Variants in CARD19 observed in about 807,000 individuals in gnomAD.
The protein encoded by CARD19 is caspase recruitment domain family member 19.
A neutral mutation model predicts 24.1 loss-of-function variants in CARD19; 25 were observed. The observed-to-expected ratio is 1.04, with a 90% CI of 0.76 to 1.45. The LOEUF is 1.45. Among genes scored for constraint, CARD19 ranks in the 40% most tolerant of loss-of-function variants. The pLI, the probability that CARD19 is intolerant of heterozygous loss-of-function variation, is 0.00. For synonymous variants in CARD19, 103 were observed against 104.9 expected (o/e 0.98, Z 0.11); for missense variants, 241 against 247.4 (o/e 0.97, Z 0.17).
At chr9:93,111,604 G>T in intron 3 of CARD19, 6 of 1,331,098 alleles carry the variant, frequency 4.5e-6, no homozygotes, top group Non-Finnish European at 5.8e-6. Flanking sequence ...TGCCACAGGG[G>T]GCTTTCAAAA....
At chr9:93,103,846 C>G (rs191476214) in intron 1 of CARD19, among the ~76,000 whole-genome samples, 1 of 152,298 alleles carries the variant, frequency 6.6e-6, no homozygotes, top group South Asian at 2.1e-4. Flanking sequence ...ACTTCAAGCC[C>G]TTTTATAATT....
chr9:93,113,165 C>A lies in CARD19; in HGVS notation c.*58C>A. ...CAACCAAAGAGTCCTCGAGCCGGCC[C>A]GCCAAGGGGACTGCTGCTTCTTTTT... On this transcript the variant is annotated 3_prime_UTR_variant, in exon 6 of 6. Transcript: ENST00000375464. 3 of 1,102,826 alleles carry A rather than the reference C, an allele frequency of 2.7e-6. No individual in the cohort carries two copies. Among genetic ancestry groups the A allele is most frequent in the Non-Finnish European group, 3.9e-6 (3 of 773,774 alleles). 68.3% of individuals were successfully genotyped at this position (1,102,826 alleles called of 1,614,324 possible). A position where few individuals can be genotyped will look rare whatever the true frequency, so the allele number is the denominator to read the frequency against.
At chr9:93,106,567 CA>C (rs1194901681) in intron 1 of CARD19, among the ~76,000 whole-genome samples, 1 of 102,526 alleles carries the variant, frequency 9.8e-6, no homozygotes. Flanking sequence ...GACTCTATCT[CA>C]AAAAAAAACA....
At chr9:93,111,709 A>G (rs1827492228) in intron 3 of CARD19, 170 bp from the exon 4 acceptor site, 1 of 1,432,606 alleles carries the variant, frequency 7.0e-7, no homozygotes, top group East Asian at 2.5e-5. Flanking sequence ...AGCAGAGGAG[A>G]AGACCCAGAC....
rs1827580685 is a variant in CARD19, at chr9:93,113,192, T to C, written c.*85T>C. On this transcript the variant is annotated 3_prime_UTR_variant, in exon 6 of 6. Transcript: ENST00000375464. ...CCAAGGGGACTGCTGCTTCTTTTTC[T>C]AAATGCATATTTTTCATTATTTATA... 1.3e-6 allele frequency: 1 copy of C among 749,388 alleles called. No individual in the cohort carries two copies. The highest frequency in any genetic ancestry group is 2.8e-5 in the East Asian group (1 of 35,522). 46.4% of individuals were successfully genotyped at this position (749,388 alleles called of 1,614,324 possible).
intron 1 of CARD19, among the ~76,000 whole-genome samples, chr9:93,102,392 G>A (rs1309108599): frequency 3.3e-5 from 5 of 152,026 alleles, no homozygotes; most frequent in Non-Finnish European, 7.4e-5. Context: ...TTCAGTTGTA[G>A]GAGTTCTTTA....
chr9:93,102,427 T>C (rs1315235034), intron 1 of CARD19, among the ~76,000 whole-genome samples: 1 of 152,272 alleles, frequency 6.6e-6, no homozygotes, highest in Non-Finnish European at 1.5e-5. Flanking sequence ...TAATCCCTTA[T>C]GAGATATATG....
At chr9:93,108,142 A>G (rs1049574378) in intron 2 of CARD19, among the ~76,000 whole-genome samples, 6 of 152,150 alleles carry the variant, frequency 3.9e-5, no homozygotes, top group African/African-American at 9.7e-5. Flanking sequence ...ACACAACAGT[A>G]TAAGATACGG....
rs995022723 is a variant in CARD19 at position 93,112,268 on chromosome 9, C to T, written c.415C>T (p.Leu139Phe). 5 of 1,544,572 alleles carry T rather than the reference C, an allele frequency of 3.2e-6. No individual in the cohort carries two copies. The highest frequency in any genetic ancestry group is 3.9e-5 in the Admixed American group (2 of 50,998). Reference protein sequence around the residue: ...GLGLAVGLALLLYCYPPDPKG... With the variant: ...GLGLAVGLALFLYCYPPDPKG... ...GGGCCTTGCTGTGGGACTGGCCCTG[C>T]TCCTGTACTGCTATCCGCCAGGTGG... Residue 139 changes from leucine to phenylalanine, a missense_variant, in exon 5 of 6, where the codon CTC (leucine) becomes TTC (phenylalanine). Physicochemically the swap from Leu to Phe is conservative, Grantham distance 22 (BLOSUM62 0). Transcript: ENST00000375464.
intron 4 of CARD19, 133 bp downstream of exon 4, chr9:93,112,071 ACAGAC>A (rs1827513289): frequency 7.8e-7 from 1 of 1,282,722 alleles, no homozygotes; most frequent in Non-Finnish European, 1.0e-6. Context: ...TCTGTTGGTG[ACAGAC>A]CCCCCCCCTA....
Position 93,111,736 on chromosome 9 carries a change from AGGAG to A in CARD19, c.305-140_305-137del. 9.5e-6 allele frequency: 14 copies of A among 1,478,128 alleles called. No homozygotes were observed. In the South Asian group the frequency reaches 1.3e-4, roughly 14 times the overall value. 91.6% of individuals were successfully genotyped at this position (1,478,128 alleles called of 1,614,324 possible). A position where few individuals can be genotyped will look rare whatever the true frequency, so the allele number is the denominator to read the frequency against. ...GACCCAGACTGTGCATAGTTCCCTG[AGGAG>A]GGCTAGCCTCAGGTGCCACAGCCTG... On this transcript the variant is annotated intron_variant, in intron 3 of 5. Coordinates refer to ENST00000375464, the MANE Select transcript of CARD19 (RefSeq NM_032310.5).
At chr9:93,106,277 C>G (rs1827250290) in intron 1 of CARD19, among the ~76,000 whole-genome samples, 1 of 151,848 alleles carries the variant, frequency 6.6e-6, no homozygotes, top group African/African-American at 2.4e-5. Context: ...CAATCTATGC[C>G]TTTTGATAGG....
chr9:93,103,559 G>A (rs1426682278), intron 1 of CARD19, among the ~76,000 whole-genome samples: 2 of 152,144 alleles, frequency 1.3e-5, no homozygotes, highest in African/African-American at 2.4e-5. Context: ...CCCTGGATAT[G>A]GAAACTGCAG....
intron 1 of CARD19, among the ~76,000 whole-genome samples, chr9:93,102,213 C>T (rs182819697): frequency 1.3e-5 from 2 of 152,280 alleles, no homozygotes; most frequent in East Asian, 3.9e-4. Flanking sequence ...CTCAGGTCAT[C>T]TGCTCCCCTT....
intron 3 of CARD19, chr9:93,111,543 G>T: frequency 8.3e-7 from 1 of 1,206,802 alleles, no homozygotes; most frequent in East Asian, 4.1e-5. Context: ...GAGCTCGAGG[G>T]GAGGCCCAGC....
chr9:93,102,579 AT>A (rs1827124579), intron 1 of CARD19, among the ~76,000 whole-genome samples: 1 of 151,216 alleles, frequency 6.6e-6, no homozygotes, highest in African/African-American at 2.4e-5. Flanking sequence ...ATAGTACCAC[AT>A]TGTTTTCATT....
At position 93,113,052 on chromosome 9, in the gene CARD19, G is replaced by T; in HGVS notation, c.497G>T (p.Arg166Ile). 3 of 1,606,656 alleles carry T rather than the reference G, an allele frequency of 1.9e-6. No homozygotes were observed. Among genetic ancestry groups the T allele is most frequent in the Non-Finnish European group, 2.6e-6 (3 of 1,176,324 alleles). Residue 166 changes from arginine (R) to isoleucine (I), a missense_variant, in exon 6 of 6, where the codon AGA (arginine) becomes ATA (isoleucine). Arg to Ile is a moderately conservative substitution (Grantham distance 97). Coordinates refer to ENST00000375464, the MANE Select transcript of CARD19 (RefSeq NM_032310.5). The part of the protein sequence containing the change: ...VLGFSPVIID[R>I]HVSRYLLAFL... ...GGTTTCTCGCCTGTCATCATCGACAGACATGTCAGCCGCTACCTGCTGGCC... is the reference window on the plus strand; with the variant it reads ...GGTTTCTCGCCTGTCATCATCGACATACATGTCAGCCGCTACCTGCTGGCC...
At chr9:93,097,315 G>A (rs1279030761) in intron 1 of CARD19, among the ~76,000 whole-genome samples, 1 of 152,060 alleles carries the variant, frequency 6.6e-6, no homozygotes, top group Non-Finnish European at 1.5e-5. Context: ...TCATGGGCTG[G>A]AAACTGATGA....
intron 1 of CARD19, among the ~76,000 whole-genome samples, chr9:93,106,179 C>T (rs1375096891): frequency 6.6e-6 from 1 of 151,824 alleles, no homozygotes; most frequent in Non-Finnish European, 1.5e-5. Context: ...TACATCCTTT[C>T]ATTTTCAACT....
Sources: gnomAD v4.1 joint callset for allele counts (sites outside exome capture counted in the v4.1 genomes callset) on GRCh38, gnomAD v4.1.1 for gene constraint, MANE v1.5 for transcripts, NCBI Gene and HGNC (gene_info 2026-07-23, HGNC 2026-07-21) for gene names.